The following NEB variants were observed in gnomAD, a reference collection of about 807,000 sequenced individuals.
NEB encodes nebulin.
A neutral mutation model predicts 952.2 loss-of-function variants in NEB; 512 were observed. The ratio of observed to expected loss-of-function variants is 0.54; its 90% CI spans 0.50 to 0.58. NEB has a LOEUF of 0.58. Ranked by LOEUF, NEB falls within the 20% of genes least tolerant of loss-of-function variation. The pLI, the probability that NEB is intolerant of heterozygous loss-of-function variation, is 0.00. For missense variants in NEB, 8,428 were observed against 9,231.1 expected (o/e 0.91, Z 3.56); for synonymous variants, 2,900 against 3,149.8 (o/e 0.92, Z 2.66).
In NEB at chr2:151,671,044, A is replaced by G. The variant is rs781005189; in HGVS notation, c.4485T>C (p.His1495=). The G allele has an allele frequency of 1.9e-6, 3 of 1,613,894 alleles. No homozygotes were observed. The South Asian group carries it at 3.3e-5, about 18-fold the overall frequency. ...TCACATCACTTAGCTGCTTTGTGTT[A>G]TGCTGAGCCAACACCATGCCCATGG... is the stretch of plus-strand genomic sequence containing the variant. ...PDSMGMVLAQ[H]NTKQLSDLNY... is the part of the protein sequence containing the mutation. Residue 1495 remains histidine, a synonymous_variant, in exon 38 of 182, where the codon CAT becomes CAC. Transcript: ENST00000397345.
intron 71 of NEB, among the ~76,000 whole-genome samples, chr2:151,622,200 T>C (rs2098431851): frequency 6.6e-6 from 1 of 152,054 alleles, no homozygotes; most frequent in African/African-American, 2.4e-5. Context: ...TGGGTGTTGC[T>C]GATCTCAAAC....
At chr2:151,674,609 T>C in intron 35 of NEB, 25 bp from the exon 36 acceptor site, 4 of 1,519,688 alleles carry the variant, frequency 2.6e-6, no homozygotes, top group Non-Finnish European at 3.7e-6. Context: ...AAACAGAATG[T>C]CAGCATCTGT....
chr2:151,632,078 G>C (rs1043778440), intron 65 of NEB, among the ~76,000 whole-genome samples: 1 of 152,016 alleles, frequency 6.6e-6, no homozygotes, highest in Non-Finnish European at 1.5e-5. Flanking sequence ...CAGGGCCCCA[G>C]TCTCTTCCTC....
At chr2:151,567,961 C>T (rs2096481779) in intron 113 of NEB, 110 bp downstream of exon 113, 10 of 778,420 alleles carry the variant, frequency 1.3e-5, no homozygotes. Flanking sequence ...CCAGGTCTGC[C>T]ACACTGAAAC....
At chr2:151,515,815 C>T (rs985932238) in intron 157 of NEB, among the ~76,000 whole-genome samples, 2 of 152,184 alleles carry the variant, frequency 1.3e-5, no homozygotes, top group Non-Finnish European at 2.9e-5. Context: ...CATTCTATCA[C>T]CAGAAAGCTC....
chr2:151,503,903 C>T (rs371835861), intron 165 of NEB, among the ~76,000 whole-genome samples: 14 of 152,278 alleles, frequency 9.2e-5, no homozygotes, highest in South Asian at 4.1e-4. Context: ...TCCTCGCTGG[C>T]TCCTAATCTG....
At position 151,503,395 on chromosome 2, in the gene NEB, G is replaced by A; in HGVS notation, c.23789C>T (p.Thr7930Ile). ...NLGTGIPTTV[T>I]PEIERVKRNQ... ...GCGTTTGACTCTCTCAATCTCTGGAGTCACAGTGGTTGGAATGCCTGTTCC... is the reference window on the plus strand; with the variant it reads ...GCGTTTGACTCTCTCAATCTCTGGAATCACAGTGGTTGGAATGCCTGTTCC... The change falls in exon 166 of 182, where the codon ACT (threonine) becomes ATT (isoleucine). Residue 7930 changes from threonine (T) to isoleucine (I), a missense_variant. By Grantham distance (89) the Thr-to-Ile change is moderately conservative. Transcript: ENST00000397345. 1.2e-6 allele frequency: 2 copies of A among 1,612,884 alleles called. No homozygotes were observed. The highest frequency in any genetic ancestry group is 2.2e-5 in the South Asian group (2 of 91,024).
At chr2:151,527,078 G>T in intron 147 of NEB, 56 bp from the exon 148 acceptor site, 1 of 1,214,502 alleles carries the variant, frequency 8.2e-7, no homozygotes, top group Admixed American at 2.0e-5. Flanking sequence ...GGAGGAAGCT[G>T]GGCATTTGAT....
At chr2:151,515,906 A>G (rs17270233) in intron 157 of NEB, among the ~76,000 whole-genome samples, 39,966 of 152,104 alleles carry the variant, frequency 0.26, 6,204 homozygotes, top group Non-Finnish European at 0.36. Flanking sequence ...AAATAAGCCC[A>G]TTTCCCACTG....
At chr2:151,670,685 CAATA>C (rs1194430905) in intron 38 of NEB, among the ~76,000 whole-genome samples, 1 of 152,144 alleles carries the variant, frequency 6.6e-6, no homozygotes, top group African/African-American at 2.4e-5. Context: ...CAACCAAGAG[CAATA>C]AATAGCTTGT....
At chr2:151,698,879 T>C (rs1212186514) in intron 13 of NEB, among the ~76,000 whole-genome samples, 1 of 150,670 alleles carries the variant, frequency 6.6e-6, no homozygotes, top group South Asian at 2.1e-4. Context: ...TTTTTTTTTT[T>C]TAATTATACT....
At chr2:151,703,084 G>C (rs1043586946) in intron 13 of NEB, among the ~76,000 whole-genome samples, 8 of 150,468 alleles carry the variant, frequency 5.3e-5, no homozygotes, top group African/African-American at 1.9e-4. Flanking sequence ...GCATTTGCTT[G>C]TCTGTAAAGT....
At chr2:151,528,475 A>G (rs149668769) in intron 146 of NEB, among the ~76,000 whole-genome samples, 1 of 152,158 alleles carries the variant, frequency 6.6e-6, no homozygotes, top group South Asian at 2.1e-4. Context: ...TTTGCAAGGT[A>G]CGTTTTACTG....
At chr2:151,697,482 T>C (rs1487471713) in intron 14 of NEB, 25 bp from the exon 15 acceptor site, 2 of 1,606,770 alleles carry the variant, frequency 1.2e-6, no homozygotes, top group African/African-American at 1.3e-5. Flanking sequence ...ATACTTCATT[T>C]ATTAATTGGT....
chr2:151,642,910 T>C, intron 58 of NEB, 41 bp from the exon 59 acceptor site: 1 of 1,458,244 alleles, frequency 6.9e-7, no homozygotes, highest in Non-Finnish European at 9.4e-7. Flanking sequence ...AGGCCAGTAA[T>C]AAATAGACAC....
intron 157 of NEB, among the ~76,000 whole-genome samples, chr2:151,516,117 T>C (rs2077581691): frequency 6.6e-6 from 1 of 152,200 alleles, no homozygotes; most frequent in Admixed American, 6.5e-5. Context: ...AGTAGAGCAT[T>C]TCAAAGCCAA....
intron 52 of NEB, among the ~76,000 whole-genome samples, chr2:151,651,681 A>G (rs2099031002): frequency 6.6e-6 from 1 of 152,220 alleles, no homozygotes; most frequent in African/African-American, 2.4e-5. Context: ...TTAGTACTAG[A>G]TGACAATAAC....
chr2:151,532,943 A>G (rs1559622174), intron 143 of NEB, among the ~76,000 whole-genome samples: 1 of 152,168 alleles, frequency 6.6e-6, no homozygotes, highest in African/African-American at 2.4e-5. Flanking sequence ...TGTGCTGGAA[A>G]TAACCTAGCA....
intron 181 of NEB, among the ~76,000 whole-genome samples, chr2:151,488,500 A>G (rs1251166768): frequency 6.6e-6 from 1 of 150,532 alleles, no homozygotes; most frequent in Non-Finnish European, 1.5e-5. Context: ...AAAAAAAATT[A>G]GCCTAGAATG....
Sources: allele counts gnomAD v4.1 joint callset (sites outside exome capture counted in the v4.1 genomes callset), GRCh38; gene constraint gnomAD v4.1.1; transcripts MANE v1.5; gene names NCBI Gene and HGNC (gene_info 2026-07-23, HGNC 2026-07-21).